Variants in FHIT observed in about 807,000 individuals in gnomAD.
FHIT encodes the protein bis(5'-adenosyl)-triphosphatase.
FHIT carries 19 observed loss-of-function variants against 17.9 expected under a neutral mutation model. The ratio of observed to expected loss-of-function variants is 1.06; its 90% CI spans 0.74 to 1.56. FHIT has a LOEUF of 1.56. FHIT is among the 40% of genes most tolerant of loss of function. The pLI, the probability that FHIT is intolerant of heterozygous loss-of-function variation, is 0.00. For missense variants in FHIT, 248 were observed against 189.2 expected (o/e 1.31, Z -1.82); for synonymous variants, 81 against 69.7 (o/e 1.16, Z -0.81).
intron 3 of FHIT, among the ~76,000 whole-genome samples, chr3:60,828,855 G>T (rs1345772580): frequency 1.3e-5 from 2 of 152,104 alleles, no homozygotes; most frequent in Admixed American, 1.3e-4. Context: ...TCCAGCCTGG[G>T]CAACAAAAGT....
chr3:60,551,657 G>C (rs1421609897), intron 4 of FHIT, among the ~76,000 whole-genome samples: 1 of 143,910 alleles, frequency 6.9e-6, no homozygotes, highest in Non-Finnish European at 1.5e-5. Context: ...CTACTCCAGA[G>C]ACCATGGCAC....
chr3:60,156,232 C>A (rs1180417229), intron 5 of FHIT, among the ~76,000 whole-genome samples: 4 of 151,770 alleles, frequency 2.6e-5, no homozygotes, highest in Non-Finnish European at 5.9e-5. Flanking sequence ...CTCCTGTAAT[C>A]CCAGCTACTC....
At chr3:60,231,905 C>G (rs958088641) in intron 5 of FHIT, among the ~76,000 whole-genome samples, 5 of 152,100 alleles carry the variant, frequency 3.3e-5, no homozygotes, top group Admixed American at 3.3e-4. Flanking sequence ...ATTTAATCAA[C>G]TGAAGGCCTT....
chr3:60,908,644 A>T (rs574790720), intron 3 of FHIT, among the ~76,000 whole-genome samples: 1 of 151,952 alleles, frequency 6.6e-6, no homozygotes, highest in East Asian at 1.9e-4. Context: ...AGAAATGGAA[A>T]GGGAAATGTC....
At chr3:60,560,240 C>T (rs932520864) in intron 4 of FHIT, among the ~76,000 whole-genome samples, 1 of 152,008 alleles carries the variant, frequency 6.6e-6, no homozygotes, top group Non-Finnish European at 1.5e-5. Flanking sequence ...TATAGAAGTG[C>T]CTGTCTTGTA....
At chr3:61,170,557 T>C (rs980695299) in intron 2 of FHIT, among the ~76,000 whole-genome samples, 2 of 152,120 alleles carry the variant, frequency 1.3e-5, no homozygotes, top group Non-Finnish European at 2.9e-5. Flanking sequence ...CTAGTGTGTG[T>C]TGTTCCCCTC....
At chr3:59,875,946 G>A (rs796621319) in intron 8 of FHIT, among the ~76,000 whole-genome samples, 3,116 of 111,980 alleles carry the variant, frequency 0.028, 38 homozygotes, top group South Asian at 0.076. Flanking sequence ...GATAAAAAAA[G>A]AAAAAAAAAA....
chr3:59,796,550 A>T (rs1575509681), intron 8 of FHIT, among the ~76,000 whole-genome samples: 1 of 152,304 alleles, frequency 6.6e-6, no homozygotes, highest in South Asian at 2.1e-4. Context: ...TGTCTGCTAA[A>T]ATAGAACTGA....
At chr3:60,015,290 G>C (rs1425834435) in intron 5 of FHIT, among the ~76,000 whole-genome samples, 2 of 152,136 alleles carry the variant, frequency 1.3e-5, no homozygotes, top group Admixed American at 6.6e-5. Context: ...TTCCATAAGA[G>C]AGAGGGGAAG....
At chr3:60,363,592 T>C (rs1187106254) in intron 5 of FHIT, among the ~76,000 whole-genome samples, 2 of 152,146 alleles carry the variant, frequency 1.3e-5, no homozygotes, top group Admixed American at 6.5e-5. Flanking sequence ...GTTATACAGC[T>C]AGAAAATAAG....
intron 5 of FHIT, among the ~76,000 whole-genome samples, chr3:60,249,721 C>CACACACACACACACACAT (rs1553723139): frequency 6.6e-6 from 1 of 150,896 alleles, no homozygotes; most frequent in African/African-American, 2.4e-5. Context: ...CACACACACA[C>CACACACACACACACACAT]GGGAGAAGGG....
chr3:60,656,336 A>G lies in FHIT; in HGVS notation c.-17-119357T>C, dbSNP rs547439711. Among the ~76,000 whole-genome samples the G allele has an allele frequency of 9.8e-4, 149 of 152,290 alleles. 3 individuals carry two copies. The South Asian group carries it at 0.016, about 17-fold the overall frequency. On this transcript the variant is annotated intron_variant, in intron 4 of 9. Coordinates refer to ENST00000492590, the MANE Select transcript of FHIT (RefSeq NM_002012.4). ...CATCATTTTGTGTTTATTGTTTTCT[A>G]TATAAGCTGCATACTTTGCCTGGGG...
intron 4 of FHIT, among the ~76,000 whole-genome samples, chr3:60,542,553 G>A (rs554021015): frequency 6.6e-6 from 1 of 152,178 alleles, no homozygotes; most frequent in Non-Finnish European, 1.5e-5. Context: ...GTGTGTATAT[G>A]CATGTTTCTC....
chr3:61,229,100 G>A (rs1321920792), intron 1 of FHIT, among the ~76,000 whole-genome samples: 1 of 152,058 alleles, frequency 6.6e-6, no homozygotes, highest in Non-Finnish European at 1.5e-5. Context: ...CAATATGTCT[G>A]TGTCAAATCC....
chr3:59,996,415 A>G (rs893414201), intron 7 of FHIT, among the ~76,000 whole-genome samples: 1 of 152,074 alleles, frequency 6.6e-6, no homozygotes, highest in Non-Finnish European at 1.5e-5. Flanking sequence ...AAGTCAGGGA[A>G]ATTCAGTCTA....
In FHIT at chr3:60,456,223, T is replaced by TA. The variant is rs150809364; in HGVS notation, c.103+80636dup. Among the ~76,000 whole-genome samples the TA allele has an allele frequency of 4.6e-5, 7 of 152,180 alleles. No individual in the cohort carries two copies. In the South Asian group the frequency reaches 8.3e-4, roughly 18 times the overall value. On this transcript the variant is annotated intron_variant, in intron 5 of 9. Transcript: ENST00000492590. ...CAAATATTTTTAAAGTATAACTTTT[T>TA]AAAAAACATATATGACTCAGAAAGA...
intron 5 of FHIT, among the ~76,000 whole-genome samples, chr3:60,279,882 A>C (rs1469476319): frequency 4.6e-5 from 7 of 151,984 alleles, no homozygotes; most frequent in Non-Finnish European, 1.0e-4. Context: ...ATACAAAAAA[A>C]TTAGCCAGGT....
chr3:61,034,240 C>T (rs1056790795), intron 3 of FHIT, among the ~76,000 whole-genome samples: 1 of 151,776 alleles, frequency 6.6e-6, no homozygotes, highest in Non-Finnish European at 1.5e-5. Flanking sequence ...AAAGCACAAG[C>T]AACAAAAGAA....
At chr3:60,312,692 T>C (rs1709000562) in intron 5 of FHIT, among the ~76,000 whole-genome samples, 1 of 152,276 alleles carries the variant, frequency 6.6e-6, no homozygotes, top group Admixed American at 6.5e-5. Context: ...TTGAGAAGTA[T>C]GATTAAAAAA....
Sources: gnomAD v4.1 joint callset for allele counts (sites outside exome capture counted in the v4.1 genomes callset) on GRCh38, gnomAD v4.1.1 for gene constraint, MANE v1.5 for transcripts, NCBI Gene and HGNC (gene_info 2026-07-23, HGNC 2026-07-21) for gene names.